The following TOPAZ1 variants were observed in gnomAD, a reference collection of about 807,000 sequenced individuals.
TOPAZ1 encodes protein TOPAZ1.
Under a neutral mutation model 172.2 loss-of-function variants are expected in TOPAZ1, and 66 were observed. The ratio of observed to expected loss-of-function variants is 0.38; its 90% CI spans 0.31 to 0.47. The LOEUF (loss-of-function observed/expected upper bound fraction) is 0.47, where lower values mean the gene tolerates loss of function less well. Ranked by LOEUF, TOPAZ1 falls within the 20% of genes least tolerant of loss-of-function variation. TOPAZ1 has a pLI of 0.99. For missense variants in TOPAZ1, 1,822 were observed against 1,972.4 expected, an observed-to-expected ratio of 0.92 and a Z score of 1.44; for synonymous variants, 681 against 683.9, an observed-to-expected ratio of 1.00 and a Z score of 0.07.
intron 4 of TOPAZ1, among the ~76,000 whole-genome samples, chr3:44,257,352 G>GGTGTGTGTGTGTGTGTGT (rs59827431): frequency 3.1e-4 from 34 of 110,402 alleles, no homozygotes; most frequent in East Asian, 1.2e-3. Flanking sequence ...AAAACATAGG[G>GGTGTGTGTGTGTGTGTGT]GTGTGTGTGT....
chr3:44,252,464 C>A (rs1449747094), intron 2 of TOPAZ1, among the ~76,000 whole-genome samples: 2 of 152,202 alleles, frequency 1.3e-5, no homozygotes, highest in Non-Finnish European at 2.9e-5. Context: ...TGGGGGTAGT[C>A]TAAATTGCTT....
intron 15 of TOPAZ1, among the ~76,000 whole-genome samples, chr3:44,309,544 G>A (rs934310001): frequency 3.9e-5 from 6 of 152,218 alleles, no homozygotes; most frequent in Non-Finnish European, 7.3e-5. Context: ...GAGAAGTACA[G>A]TGTATAAAAC....
At chr3:44,272,099 G>A (rs953870191) in intron 8 of TOPAZ1, among the ~76,000 whole-genome samples, 2 of 152,148 alleles carry the variant, frequency 1.3e-5, no homozygotes, top group African/African-American at 4.8e-5. Context: ...AGGCTGAATA[G>A]TATTTCATTG....
chr3:44,242,610 G>T (rs138202844), intron 1 of TOPAZ1, among the ~76,000 whole-genome samples: 2 of 152,116 alleles, frequency 1.3e-5, no homozygotes. Flanking sequence ...CCTACTTGTG[G>T]TCCATTTTGG....
intron 2 of TOPAZ1, 47 bp from the exon 3 acceptor site, chr3:44,254,921 T>A: frequency 7.2e-7 from 1 of 1,380,396 alleles, no homozygotes; most frequent in Non-Finnish European, 1.0e-6. Context: ...TGGATAGTTC[T>A]GCTTAGAATC....
chr3:44,303,543 AT>A (rs1405725304), intron 12 of TOPAZ1, among the ~76,000 whole-genome samples: 1 of 105,082 alleles, frequency 9.5e-6, no homozygotes, highest in Non-Finnish European at 1.9e-5. Context: ...TTGCAGCAGT[AT>A]TTTTAAATCA....
At chr3:44,257,469 AGTGT>A (rs10523650) in intron 4 of TOPAZ1, among the ~76,000 whole-genome samples, 4,724 of 113,520 alleles carry the variant, frequency 0.042, 110 homozygotes, top group African/African-American at 0.05. Flanking sequence ...ATATATATAT[AGTGT>A]GTGTGTGTGT....
At chr3:44,286,354 C>CT (rs1349243115) in intron 9 of TOPAZ1, among the ~76,000 whole-genome samples, 1 of 152,146 alleles carries the variant, frequency 6.6e-6, no homozygotes, top group Admixed American at 6.5e-5. Flanking sequence ...TATAATAACA[C>CT]TGAGTTTACC....
At chr3:44,329,529 A>C (rs1700640522) in intron 19 of TOPAZ1, among the ~76,000 whole-genome samples, 1 of 152,234 alleles carries the variant, frequency 6.6e-6, no homozygotes, top group East Asian at 1.9e-4. Context: ...TTTGTGACCT[A>C]TATCAAGCAA....
intron 6 of TOPAZ1, among the ~76,000 whole-genome samples, chr3:44,267,369 C>T (rs1699842413): frequency 6.8e-6 from 1 of 147,160 alleles, no homozygotes. Flanking sequence ...TCTCAGTGCA[C>T]TGCAACCTGC....
Position 44,244,748 on chromosome 3 carries a change from C to T in TOPAZ1, c.2242C>T (p.Arg748Ter), listed in dbSNP as rs1699540575. The change falls in exon 2 of 20, where the codon CGA becomes TGA. Residue 748 changes from arginine (R) to a stop codon, truncating the protein, a stop_gained. Coordinates refer to ENST00000309765, the MANE Select transcript of TOPAZ1 (RefSeq NM_001145030.2). LOFTEE classifies it high-confidence loss of function. ...GTTAGGACCTCAAACTTTGAGCATA[C>T]GAAATAGTGTAACTCCAGTGCAAGC... ...MMLGPQTLSIRNSVTPVQASS... is the reference protein window; with the variant it reads ...MMLGPQTLSI 1 of 1,551,484 alleles carries T rather than the reference C, an allele frequency of 6.4e-7. No individual in the cohort carries two copies. Among genetic ancestry groups the T allele is most frequent in the Non-Finnish European group, 8.7e-7 (1 of 1,146,972 alleles).
rs1302861517 is a variant in TOPAZ1 at position 44,304,006 on chromosome 3, T to G, written c.3798-9T>G. 1.1e-5 allele frequency: 16 copies of G among 1,512,300 alleles called. No individual in the cohort carries two copies. The highest frequency in any genetic ancestry group is 1.4e-5 in the African/African-American group (1 of 71,836). 93.7% of individuals were successfully genotyped at this position (1,512,300 alleles called of 1,614,324 possible). ...ATATAGTATAATTAACTCTTTTCTTTTGTTAAAGGTTACAGATGAGACGAT... is the reference window on the plus strand; with the variant it reads ...ATATAGTATAATTAACTCTTTTCTTGTGTTAAAGGTTACAGATGAGACGAT... On this transcript the variant is annotated splice_polypyrimidine_tract_variant and intron_variant, in intron 12 of 19. Coordinates refer to ENST00000309765, the MANE Select transcript of TOPAZ1 (RefSeq NM_001145030.2).
chr3:44,266,942 CT>C, intron 5 of TOPAZ1, 54 bp from the exon 6 acceptor site: 1 of 1,316,874 alleles, frequency 7.6e-7, no homozygotes, highest in Non-Finnish European at 1.0e-6. Context: ...CAAAGCATTA[CT>C]TTAATGTTTA....
rs539212018 is a variant in TOPAZ1, at chr3:44,264,268, G to A, written c.3020+1785G>A. Among the ~76,000 whole-genome samples, 11 of 152,308 alleles carry A rather than the reference G, an allele frequency of 7.2e-5. No homozygotes were observed. The South Asian group carries it at 2.3e-3, about 32-fold the overall frequency. ...ATGCTGAAGAATTGTAATATATACA[G>A]GTATACCTTGGAGGTATTGCAGGTT... On this transcript the variant is annotated intron_variant, in intron 5 of 19. Transcript: ENST00000309765.
chr3:44,246,659 A>G (rs1363521242), intron 2 of TOPAZ1, among the ~76,000 whole-genome samples: 1 of 152,202 alleles, frequency 6.6e-6, no homozygotes, highest in Non-Finnish European at 1.5e-5. Context: ...CTAGTAACAG[A>G]ATCTGGATTT....
At chr3:44,285,322 C>T (rs560975659) in intron 9 of TOPAZ1, among the ~76,000 whole-genome samples, 7 of 151,752 alleles carry the variant, frequency 4.6e-5, no homozygotes, top group Non-Finnish European at 1.0e-4. Flanking sequence ...AAAAATTAGC[C>T]AGGCATGGTG....
At chr3:44,257,843 G>A (rs1699732088) in intron 4 of TOPAZ1, among the ~76,000 whole-genome samples, 1 of 152,056 alleles carries the variant, frequency 6.6e-6, no homozygotes, top group African/African-American at 2.4e-5. Flanking sequence ...CAGTCAAAGA[G>A]CTATTCCATC....
At chr3:44,306,219 C>A in intron 14 of TOPAZ1, 107 bp from the exon 15 acceptor site, 1 of 658,088 alleles carries the variant, frequency 1.5e-6, no homozygotes, top group Non-Finnish European at 2.6e-6. Context: ...GCACAGTTTG[C>A]CAACACCTGG....
rs1325137463 is a variant in TOPAZ1, at chr3:44,242,384, C to G, written c.331C>G (p.Gln111Glu). The change falls in exon 1 of 20, where the codon CAA becomes GAA. Residue 111 changes from glutamine to glutamate, a missense_variant. Transcript: ENST00000309765. ...AGCAAAGGAGGCTGAACTCCCCTTGCAAACGGAAAGACACAGTAAGAAAGC... is the reference window on the plus strand; with the variant it reads ...AGCAAAGGAGGCTGAACTCCCCTTGGAAACGGAAAGACACAGTAAGAAAGC... Reference protein sequence around the residue: ...EAAKEAELPLQTERHTKEKRK... With the variant: ...EAAKEAELPLETERHTKEKRK... The G allele has an allele frequency of 3.2e-6, 5 of 1,552,378 alleles. No individual in the cohort carries two copies. The highest frequency in any genetic ancestry group is 1.7e-6 in the Non-Finnish European group (2 of 1,147,144).
Sources: gnomAD v4.1 joint callset for allele counts (sites outside exome capture counted in the v4.1 genomes callset) on GRCh38, gnomAD v4.1.1 for gene constraint, MANE v1.5 for transcripts, NCBI Gene and HGNC (gene_info 2026-07-23, HGNC 2026-07-21) for gene names.